Variants in NRG3 observed in about 807,000 individuals in gnomAD.
The protein encoded by NRG3 is neuregulin 3, also known as pro-neuregulin-3, membrane-bound isoform.
A neutral mutation model predicts 66.9 loss-of-function variants in NRG3; 31 were observed. The ratio of observed to expected loss-of-function variants is 0.46; its 90% CI spans 0.35 to 0.63. The LOEUF (loss-of-function observed/expected upper bound fraction) is 0.63, where lower values mean the gene tolerates loss of function less well. Among genes scored for constraint, NRG3 ranks in the 20% least tolerant of loss-of-function variants. The probability of loss-of-function intolerance (pLI) is 0.00; values close to 1 mark genes in which losing one functional copy is unlikely to be tolerated. For missense variants in NRG3, 910 were observed against 878.9 expected (o/e 1.04, Z -0.45); for synonymous variants, 393 against 359.4 (o/e 1.09, Z -1.06).
chr10:82,036,929 G>A (rs1176600140), intron 1 of NRG3, among the ~76,000 whole-genome samples: 1 of 152,062 alleles, frequency 6.6e-6, no homozygotes, highest in Non-Finnish European at 1.5e-5. Context: ...CATGTCAATA[G>A]CCAGATTCAC....
At chr10:82,095,666 G>C (rs912491772) in intron 1 of NRG3, among the ~76,000 whole-genome samples, 2 of 152,172 alleles carry the variant, frequency 1.3e-5, no homozygotes, top group African/African-American at 2.4e-5. Flanking sequence ...AGTGAAGTGG[G>C]AAACAGGAAC....
At chr10:82,554,363 C>A (rs929914303) in intron 2 of NRG3, among the ~76,000 whole-genome samples, 14 of 152,096 alleles carry the variant, frequency 9.2e-5, no homozygotes, top group African/African-American at 3.1e-4. Flanking sequence ...ACAGCATATA[C>A]CTGTATCAAA....
intron 3 of NRG3, among the ~76,000 whole-genome samples, chr10:82,767,873 T>TTCTCTCTC (rs61249173): frequency 2.5e-4 from 37 of 147,622 alleles, no homozygotes; most frequent in East Asian, 1.8e-3. Context: ...ATTATCTCTG[T>TTCTCTCTC]TCTCTCTCTC....
chr10:82,347,768 A>T (rs1156449296), intron 1 of NRG3, among the ~76,000 whole-genome samples: 1 of 152,184 alleles, frequency 6.6e-6, no homozygotes, highest in Non-Finnish European at 1.5e-5. Context: ...GGGTGCATAT[A>T]TATTTAGGAT....
chr10:82,148,438 C>A (rs1388910819), intron 1 of NRG3, among the ~76,000 whole-genome samples: 1 of 152,200 alleles, frequency 6.6e-6, no homozygotes, highest in East Asian at 1.9e-4. Context: ...TTCTGCCTAC[C>A]ATTTAATCTT....
chr10:82,408,087 GAAAGAA>G (rs1564888113), intron 2 of NRG3, among the ~76,000 whole-genome samples: 146 of 61,110 alleles, frequency 2.4e-3, no homozygotes, highest in South Asian at 8.4e-3. Flanking sequence ...GAGAGAGACA[GAAAGAA>G]AGAAAGAAAG....
intron 2 of NRG3, among the ~76,000 whole-genome samples, chr10:82,623,791 G>A (rs551823285): frequency 6.6e-6 from 1 of 152,100 alleles, no homozygotes; most frequent in South Asian, 2.1e-4. Flanking sequence ...CTTTGACATG[G>A]GCAAAAACAA....
At chr10:82,132,706 G>C (rs1292936118) in intron 1 of NRG3, among the ~76,000 whole-genome samples, 1 of 150,352 alleles carries the variant, frequency 6.7e-6, no homozygotes, top group East Asian at 1.9e-4. Context: ...CTGGTCTTGG[G>C]CCTTTCTTTG....
At chr10:82,523,148 A>G (rs1367035143) in intron 2 of NRG3, among the ~76,000 whole-genome samples, 1 of 152,174 alleles carries the variant, frequency 6.6e-6, no homozygotes, top group Non-Finnish European at 1.5e-5. Context: ...TATATTATTT[A>G]TCATTTCATC....
At chr10:82,674,431 T>C (rs1259670807) in intron 2 of NRG3, among the ~76,000 whole-genome samples, 1 of 152,020 alleles carries the variant, frequency 6.6e-6, no homozygotes, top group Non-Finnish European at 1.5e-5. Context: ...GGCCTATCTT[T>C]TTAATCTCTC....
At chr10:81,973,826 G>A (rs1164330272) in intron 1 of NRG3, among the ~76,000 whole-genome samples, 2 of 152,056 alleles carry the variant, frequency 1.3e-5, no homozygotes, top group Admixed American at 1.3e-4. Context: ...CAGATGCATA[G>A]TTTGCAAAAA....
intron 1 of NRG3, among the ~76,000 whole-genome samples, chr10:82,065,773 C>A (rs995411693): frequency 6.6e-6 from 1 of 152,114 alleles, no homozygotes; most frequent in Non-Finnish European, 1.5e-5. Flanking sequence ...ACAGATTCAT[C>A]CCTAGTTGGA....
chr10:81,919,848 A>G (rs1846086469), intron 1 of NRG3, among the ~76,000 whole-genome samples: 2 of 152,142 alleles, frequency 1.3e-5, no homozygotes, highest in Admixed American at 6.5e-5. Context: ...AACAGTGGCA[A>G]TGAGGGGTGA....
intron 1 of NRG3, among the ~76,000 whole-genome samples, chr10:82,173,396 G>C (rs545523848): frequency 1.4e-3 from 211 of 152,054 alleles, no homozygotes; most frequent in African/African-American, 4.6e-3. Context: ...ACGCACACAT[G>C]CTGATGTAAA....
At chr10:82,252,788 A>C (rs2134115912) in intron 1 of NRG3, among the ~76,000 whole-genome samples, 1 of 152,284 alleles carries the variant, frequency 6.6e-6, no homozygotes, top group East Asian at 1.9e-4. Context: ...ATGATCTTAA[A>C]ATAGTGGGTA....
At chr10:82,252,108 A>T (rs1048664061) in intron 1 of NRG3, among the ~76,000 whole-genome samples, 2 of 152,212 alleles carry the variant, frequency 1.3e-5, no homozygotes, top group Non-Finnish European at 1.5e-5. Flanking sequence ...AAGCACAGAG[A>T]TTCAGATTCT....
At chr10:82,066,458 TTC>T (rs1377099004) in intron 1 of NRG3, among the ~76,000 whole-genome samples, 1 of 152,196 alleles carries the variant, frequency 6.6e-6, no homozygotes, top group Non-Finnish European at 1.5e-5. Context: ...TTACGTACTT[TTC>T]TGTTTTACTT....
At chr10:82,081,422 A>C (rs2065386972) in intron 1 of NRG3, among the ~76,000 whole-genome samples, 1 of 152,104 alleles carries the variant, frequency 6.6e-6, no homozygotes, top group South Asian at 2.1e-4. Context: ...GTCCCTAAAA[A>C]TGCAGAAATA....
chr10:82,699,637 C>T (rs551466097), intron 2 of NRG3, among the ~76,000 whole-genome samples: 10 of 152,082 alleles, frequency 6.6e-5, no homozygotes, highest in African/African-American at 2.2e-4. Flanking sequence ...TGAGCAGATG[C>T]GCCCTACTTG....
Sources: allele counts gnomAD v4.1 joint callset (sites outside exome capture counted in the v4.1 genomes callset), GRCh38; gene constraint gnomAD v4.1.1; transcripts MANE v1.5; gene names NCBI Gene and HGNC (gene_info 2026-07-23, HGNC 2026-07-21).